SLC16A2: variants seen among roughly 807,000 people sequenced by gnomAD.
SLC16A2 encodes the protein monocarboxylate transporter 8.
SLC16A2 carries 3 observed loss-of-function variants against 27.2 expected under a neutral mutation model. The ratio of observed to expected loss-of-function variants is 0.11; its 90% CI spans 0.05 to 0.28. SLC16A2 has a LOEUF of 0.28. Ranked by LOEUF, SLC16A2 falls within the 10% of genes least tolerant of loss-of-function variation. The probability of loss-of-function intolerance (pLI) is 1.00; values close to 1 mark genes in which losing one functional copy is unlikely to be tolerated. For missense variants in SLC16A2, 295 were observed against 458.5 expected (o/e 0.64, Z 3.26); for synonymous variants, 202 against 187.8 (o/e 1.08, Z -0.62).
chrX:74,501,974 G>A (rs923593258), intron 1 of SLC16A2, among the ~76,000 whole-genome samples: 1 of 111,086 alleles, frequency 9.0e-6, no homozygotes, highest in African/African-American at 3.3e-5. Context: ...TAATAAAAAA[G>A]AATATATTAA....
chrX:74,499,693 A>G (rs1489690973), intron 1 of SLC16A2, among the ~76,000 whole-genome samples: 3 of 111,331 alleles, frequency 2.7e-5, no homozygotes, highest in Non-Finnish European at 3.8e-5. Flanking sequence ...GCCTCAAGTG[A>G]TCTGCCCACC....
At position 74,440,346 on chromosome X, in the gene SLC16A2, G is replaced by A. The variant is rs185258980; in HGVS notation, c.430+18279G>A. Among the ~76,000 whole-genome samples the A allele has an allele frequency of 3.0e-3, 337 of 110,900 alleles. 1 individual carries two copies. The highest frequency in any genetic ancestry group is 5.1e-3 in the Non-Finnish European group (269 of 52,991). On this transcript the variant is annotated intron_variant, in intron 1 of 5. Transcript: ENST00000587091. ...AAATCGCTCCAGCTTGCCGGGAAAG[G>A]GCAAACTATAAGGGCTCCTCACAAG... is the stretch of plus-strand genomic sequence containing the variant.
chrX:74,463,575 G>A (rs1471433682), intron 1 of SLC16A2, among the ~76,000 whole-genome samples: 1 of 110,102 alleles, frequency 9.1e-6, no homozygotes, highest in African/African-American at 3.3e-5. Flanking sequence ...CACCCAGGCT[G>A]GAGTGCAGTG....
chrX:74,495,901 T>A (rs1485877416), intron 1 of SLC16A2, among the ~76,000 whole-genome samples: 2 of 110,330 alleles, frequency 1.8e-5, no homozygotes, highest in Non-Finnish European at 3.8e-5. Flanking sequence ...GCCACCATGG[T>A]GGGAGAGTGG....
At chrX:74,492,156 C>T (rs1437988300) in intron 1 of SLC16A2, among the ~76,000 whole-genome samples, 1 of 111,307 alleles carries the variant, frequency 9.0e-6, no homozygotes, top group African/African-American at 3.3e-5. Flanking sequence ...GAGGCCACTC[C>T]CCCATACTCC....
chrX:74,510,053 G>T (rs761137606), intron 1 of SLC16A2, among the ~76,000 whole-genome samples: 6 of 112,262 alleles, frequency 5.3e-5, no homozygotes, highest in African/African-American at 1.9e-4. Context: ...GGAAGAGTTT[G>T]TGTAGAACTG....
At chrX:74,477,446 G>A (rs1929506440) in intron 1 of SLC16A2, among the ~76,000 whole-genome samples, 1 of 111,329 alleles carries the variant, frequency 9.0e-6, no homozygotes, top group South Asian at 3.8e-4. Context: ...TGGATTCATT[G>A]ATTTTTTTAA....
At chrX:74,422,852 C>T (rs1037760612) in intron 1 of SLC16A2, among the ~76,000 whole-genome samples, 7 of 112,775 alleles carry the variant, frequency 6.2e-5, no homozygotes, top group Middle Eastern at 4.6e-3. Context: ...CCCTGCTGCT[C>T]ACTCCGCACC....
rs925130359 is a variant in SLC16A2 at position 74,453,315 on chromosome X, G to A, written c.430+31248G>A. 5.4e-5 allele frequency among the ~76,000 whole-genome samples: 6 copies of A among 111,067 alleles called. No homozygotes were observed. In the South Asian group the frequency reaches 1.5e-3, roughly 29 times the overall value. ...CTCCCAAAGTGCTGAGATTACGGGC[G>A]TGAGCCAACATGCCTGGCAGCAGGT... is the stretch of plus-strand genomic sequence containing the variant. On this transcript the variant is annotated intron_variant, in intron 1 of 5. Coordinates refer to ENST00000587091, the MANE Select transcript of SLC16A2 (RefSeq NM_006517.5).
intron 1 of SLC16A2, among the ~76,000 whole-genome samples, chrX:74,492,151 C>G (rs1417968377): frequency 2.7e-5 from 3 of 111,362 alleles, no homozygotes; most frequent in African/African-American, 6.5e-5. Flanking sequence ...CAAGTGAGGC[C>G]ACTCCCCCAT....
intron 1 of SLC16A2, among the ~76,000 whole-genome samples, chrX:74,426,246 C>G (rs960742054): frequency 8.9e-6 from 1 of 112,326 alleles, no homozygotes; most frequent in Non-Finnish European, 1.9e-5. Flanking sequence ...AGAGCTAGAT[C>G]AGGTTGGCTT....
intron 1 of SLC16A2, among the ~76,000 whole-genome samples, chrX:74,477,457 G>A (rs771955113): frequency 1.7e-4 from 19 of 111,162 alleles, no homozygotes; most frequent in African/African-American, 5.9e-4. Context: ...ATTTTTTTAA[G>A]GGGTTTTTGT....
chrX:74,491,524 A>G (rs1443189880), intron 1 of SLC16A2, among the ~76,000 whole-genome samples: 2 of 111,951 alleles, frequency 1.8e-5, no homozygotes, highest in African/African-American at 6.5e-5. Flanking sequence ...TATCAGACTT[A>G]AAGTCTGTGT....
chrX:74,471,731 C>A (rs1427005915), intron 1 of SLC16A2, among the ~76,000 whole-genome samples: 2 of 111,422 alleles, frequency 1.8e-5, no homozygotes, highest in African/African-American at 6.5e-5. Flanking sequence ...TGTTCTTGTG[C>A]AACTATCACC....
chrX:74,521,251 C>CATGG, intron 2 of SLC16A2, 117 bp downstream of exon 2: 1 of 859,465 alleles, frequency 1.2e-6, no homozygotes, highest in Non-Finnish European at 1.7e-6. Flanking sequence ...CCTGTAGGGC[C>CATGG]CTCAAAGATC....
Position 74,525,790 on chromosome X carries a change from C to A in SLC16A2, c.1067C>A (p.Thr356Asn). The A allele has an allele frequency of 8.3e-7, 1 of 1,211,251 alleles. No homozygotes were observed. Among genetic ancestry groups the A allele is most frequent in the Non-Finnish European group, 1.1e-6 (1 of 895,192 alleles). Residue 356 changes from threonine (T) to asparagine (N), a missense_variant, in exon 4 of 6, where the codon ACC (threonine) becomes AAC (asparagine). Thr to Asn is a moderately conservative substitution (Grantham distance 65). Around this residue, in one of 3 missense-constraint regions of SLC16A2, gnomAD observed 144 missense variants for 219.8 expected, o/e 0.66. Coordinates refer to ENST00000587091, the MANE Select transcript of SLC16A2 (RefSeq NM_006517.5). ...GAGGAGTTCTCAGAAATCAAGGAGA[C>A]CTGGGTGCTCTTGGTGTGTATTGGG... Reference protein sequence around the residue: ...VEEEFSEIKETWVLLVCIGAT... With the variant: ...VEEEFSEIKENWVLLVCIGAT...
At chrX:74,473,621 A>G in intron 1 of SLC16A2, 1 of 988,924 alleles carries the variant, frequency 1.0e-6, no homozygotes, top group Admixed American at 2.2e-5. Flanking sequence ...AATGCCACCA[A>G]CAAATATCTT....
At chrX:74,466,906 A>G (rs1929261816) in intron 1 of SLC16A2, among the ~76,000 whole-genome samples, 1 of 112,947 alleles carries the variant, frequency 8.9e-6, no homozygotes, top group Non-Finnish European at 1.9e-5. Flanking sequence ...ACTTTCAGTC[A>G]AGGTTCTGAT....
intron 1 of SLC16A2, among the ~76,000 whole-genome samples, chrX:74,482,931 C>T (rs1185934407): frequency 1.8e-5 from 2 of 111,866 alleles, no homozygotes; most frequent in East Asian, 2.8e-4. Flanking sequence ...TCTTAAACTC[C>T]TGGACTCAAG....
Sources: gnomAD v4.1 joint callset for allele counts (sites outside exome capture counted in the v4.1 genomes callset) on GRCh38, gnomAD v4.1.1 for gene constraint, gnomAD v4.1.1 regional missense constraint, MANE v1.5 for transcripts, NCBI Gene and HGNC (gene_info 2026-07-23, HGNC 2026-07-21) for gene names.